The following SYN3 variants were observed in gnomAD, a reference collection of about 807,000 sequenced individuals.
SYN3 encodes the protein synapsin III, also known as synapsin-3.
Under a neutral mutation model 65.8 loss-of-function variants are expected in SYN3, and 35 were observed. The observed-to-expected ratio is 0.53, with a 90% CI of 0.41 to 0.70. SYN3 has a LOEUF of 0.70. Ranked by LOEUF, SYN3 falls within the 30% of genes least tolerant of loss-of-function variation. The pLI is 0.00. For missense variants in SYN3, 680 were observed against 749.0 expected, an observed-to-expected ratio of 0.91 and a Z score of 1.08; for synonymous variants, 270 against 292.9, an observed-to-expected ratio of 0.92 and a Z score of 0.80.
intron 3 of SYN3, among the ~76,000 whole-genome samples, chr22:32,934,350 A>T (rs118117769): frequency 9.9e-5 from 15 of 152,064 alleles, no homozygotes; most frequent in African/African-American, 3.6e-4. Context: ...ACCTGGAGAG[A>T]AGTCACACTC....
At chr22:32,830,669 C>T (rs2047546307) in intron 6 of SYN3, among the ~76,000 whole-genome samples, 1 of 152,142 alleles carries the variant, frequency 6.6e-6, no homozygotes. Flanking sequence ...CACCCCCCCG[C>T]CCCCGCAATA....
At chr22:32,641,436 G>A (rs2059897574) in intron 6 of SYN3, among the ~76,000 whole-genome samples, 1 of 151,648 alleles carries the variant, frequency 6.6e-6, no homozygotes, top group African/African-American at 2.4e-5. Context: ...GTGAAACCCT[G>A]TCTCTACTAA....
At position 32,763,632 on chromosome 22, in the gene SYN3, C is replaced by T. The variant is rs558444929; in HGVS notation, c.711+101283G>A. Among the ~76,000 whole-genome samples, 105 of 152,286 alleles carry T rather than the reference C, an allele frequency of 6.9e-4. 1 individual carries two copies. Among genetic ancestry groups the T allele is most frequent in the South Asian group, 2.5e-3 (12 of 4,830 alleles). ...ATGCTGGTAGCCATGCAGTACTGCC[C>T]GGGCAATCCAGTATATCGAGATGGA... On this transcript the variant is annotated intron_variant, in intron 6 of 13. Transcript: ENST00000358763.
At chr22:32,741,128 G>A (rs2042927595) in intron 6 of SYN3, among the ~76,000 whole-genome samples, 1 of 152,082 alleles carries the variant, frequency 6.6e-6, no homozygotes, top group Admixed American at 6.6e-5. Flanking sequence ...CAAAACACTG[G>A]GAGATGCAGA....
intron 2 of SYN3, among the ~76,000 whole-genome samples, chr22:32,981,092 C>G (rs549121774): frequency 1.8e-4 from 27 of 151,030 alleles, no homozygotes; most frequent in African/African-American, 6.5e-4. Context: ...TGACCTCAGG[C>G]AATCCACCCA....
At chr22:32,605,618 T>C (rs951473205) in intron 6 of SYN3, among the ~76,000 whole-genome samples, 13 of 152,216 alleles carry the variant, frequency 8.5e-5, no homozygotes, top group Admixed American at 3.9e-4. Context: ...GTTTTTGGCC[T>C]AAGATCACTC....
intron 6 of SYN3, among the ~76,000 whole-genome samples, chr22:32,675,769 C>A (rs1257852137): frequency 6.6e-6 from 1 of 151,548 alleles, no homozygotes; most frequent in Non-Finnish European, 1.5e-5. Flanking sequence ...CTTCTCACTG[C>A]AAACTTGATG....
Position 32,507,990 on chromosome 22 carries a change from C to T in SYN3, c.*5702G>A, listed in dbSNP as rs2057649854. On this transcript the variant is annotated 3_prime_UTR_variant, in exon 14 of 14. Transcript: ENST00000358763. Reference sequence around the variant, plus strand: ...AAACATCGCCCATTCTCTCTCCATACCACCCCCCAAAAATTTTCGTCGCCC... The same window carrying T: ...AAACATCGCCCATTCTCTCTCCATATCACCCCCCAAAAATTTTCGTCGCCC... Among the ~76,000 whole-genome samples, 1 of 152,052 alleles carries T rather than the reference C, an allele frequency of 6.6e-6. No individual in the cohort carries two copies. The highest frequency in any genetic ancestry group is 2.4e-5 in the African/African-American group (1 of 41,356).
At chr22:32,660,958 T>C (rs1047723606) in intron 6 of SYN3, among the ~76,000 whole-genome samples, 47 of 152,348 alleles carry the variant, frequency 3.1e-4, no homozygotes, top group African/African-American at 1.1e-3. Flanking sequence ...CAAGGTTCCC[T>C]AATGTGAGCC....
chr22:32,516,277 C>G (rs1321330605), intron 13 of SYN3, among the ~76,000 whole-genome samples: 1 of 152,100 alleles, frequency 6.6e-6, no homozygotes, highest in African/African-American at 2.4e-5. Context: ...AAAGTCATTT[C>G]TGGGGATGGG....
chr22:32,560,767 T>C (rs1055897387), intron 7 of SYN3, among the ~76,000 whole-genome samples: 3 of 152,178 alleles, frequency 2.0e-5, no homozygotes, highest in Non-Finnish European at 2.9e-5. Flanking sequence ...ATCTGACTTA[T>C]GGCTTGAAAG....
At chr22:32,980,176 A>G (rs2052330462) in intron 3 of SYN3, among the ~76,000 whole-genome samples, 1 of 152,226 alleles carries the variant, frequency 6.6e-6, no homozygotes, top group Non-Finnish European at 1.5e-5. Flanking sequence ...TAATCCCCAC[A>G]ATGATATAAG....
intron 6 of SYN3, among the ~76,000 whole-genome samples, chr22:32,666,909 A>C (rs2060296992): frequency 6.6e-6 from 1 of 152,166 alleles, no homozygotes; most frequent in African/African-American, 2.4e-5. Context: ...ACCAAGCTCC[A>C]TGAATGTCTT....
At chr22:32,639,393 G>T (rs1239892281) in intron 6 of SYN3, among the ~76,000 whole-genome samples, 2 of 152,212 alleles carry the variant, frequency 1.3e-5, no homozygotes, top group African/African-American at 4.8e-5. Flanking sequence ...CTTTGTCAAA[G>T]ATTAGATGGC....
At chr22:32,729,587 T>C (rs1350724862) in intron 6 of SYN3, among the ~76,000 whole-genome samples, 1 of 152,226 alleles carries the variant, frequency 6.6e-6, no homozygotes, top group Non-Finnish European at 1.5e-5. Flanking sequence ...CTGATGTTTG[T>C]ACAAATACTT....
At chr22:32,760,182 C>T (rs1602081133) in intron 6 of SYN3, among the ~76,000 whole-genome samples, 1 of 97,078 alleles carries the variant, frequency 1.0e-5, no homozygotes, top group South Asian at 4.0e-4. Context: ...CACCCACGTA[C>T]CCCCCAGCCA....
intron 2 of SYN3, among the ~76,000 whole-genome samples, chr22:32,987,695 G>T (rs948421763): frequency 6.6e-6 from 1 of 152,162 alleles, no homozygotes; most frequent in Admixed American, 6.5e-5. Flanking sequence ...TTGCCTCTGA[G>T]AACAATAGAG....
intron 12 of SYN3, among the ~76,000 whole-genome samples, chr22:32,525,010 G>A (rs2057951919): frequency 6.6e-6 from 1 of 152,108 alleles, no homozygotes. Context: ...GCGAGACTCT[G>A]TCTCAAAAAA....
intron 3 of SYN3, among the ~76,000 whole-genome samples, chr22:32,957,408 T>C (rs557560772): frequency 2.0e-5 from 3 of 152,202 alleles, no homozygotes; most frequent in Non-Finnish European, 4.4e-5. Context: ...CAGGATGGCT[T>C]AGCACTTCTC....
Sources: allele counts gnomAD v4.1 joint callset (sites outside exome capture counted in the v4.1 genomes callset), GRCh38; gene constraint gnomAD v4.1.1; transcripts MANE v1.5; gene names NCBI Gene and HGNC (gene_info 2026-07-23, HGNC 2026-07-21).